Variants in INSL6 observed in about 807,000 individuals in gnomAD.
The protein encoded by INSL6 is insulin-like peptide INSL6.
A neutral mutation model predicts 9.4 loss-of-function variants in INSL6; 16 were observed. The ratio of observed to expected loss-of-function variants is 1.70; its 90% CI spans 1.15 to 2.59. The LOEUF (loss-of-function observed/expected upper bound fraction) is 2.59. Ranked by LOEUF, INSL6 falls within the 30% of genes most tolerant of loss-of-function variation. The probability of loss-of-function intolerance (pLI) is 0.00; values close to 1 mark genes in which losing one functional copy is unlikely to be tolerated. For synonymous variants in INSL6, 154 were observed against 96.9 expected, an observed-to-expected ratio of 1.59 and a Z score of -3.46; for missense variants, 391 against 257.3, an observed-to-expected ratio of 1.52 and a Z score of -3.56.
intron 3 of INSL6, chr9:5,126,756 C>T (rs2130866142): frequency 6.2e-7 from 1 of 1,609,924 alleles, no homozygotes; most frequent in Non-Finnish European, 8.5e-7. Context: ...TCTAGCTCTT[C>T]GAGTGGATCA....
the INSL6 span, among the ~76,000 whole-genome samples, chr9:4,999,880 A>G: frequency 6.6e-6 from 1 of 151,926 alleles, no homozygotes; most frequent in Non-Finnish European, 1.5e-5. Flanking sequence ...GCATGCTACT[A>G]CTCCTGTCCT....
the INSL6 span, among the ~76,000 whole-genome samples, chr9:5,031,585 T>C: frequency 3.2e-4 from 48 of 152,188 alleles, 1 homozygote; most frequent in Admixed American, 3.3e-4. Context: ...AAAGATCAGA[T>C]TGATATGTAA....
chr9:5,003,579 CTT>C, the INSL6 span, among the ~76,000 whole-genome samples: 1 of 152,010 alleles, frequency 6.6e-6, no homozygotes, highest in African/African-American at 2.4e-5. Context: ...CATCTTGTGA[CTT>C]TGCTAAATTC....
At chr9:5,160,099 C>T (rs961931673), downstream of INSL6, among the ~76,000 whole-genome samples, 2 of 151,256 alleles carry the variant, frequency 1.3e-5, no homozygotes, top group Admixed American at 6.6e-5. Context: ...TCACTTGAAC[C>T]CGGGGGATGG....
chr9:5,095,059 C>G, the INSL6 span: 2 of 151,730 alleles, frequency 1.3e-5, no homozygotes, highest in Non-Finnish European at 2.9e-5. Context: ...ATAGAGTAAA[C>G]AAGAGAGGTT....
intron 1 of INSL6, among the ~76,000 whole-genome samples, chr9:5,185,045 T>C (rs1825536946): frequency 6.6e-6 from 1 of 152,162 alleles, no homozygotes; most frequent in Admixed American, 6.5e-5. Context: ...AAAAAGGAGT[T>C]TGCCAGATGA....
the INSL6 span, among the ~76,000 whole-genome samples, chr9:5,060,644 C>T: frequency 6.6e-6 from 1 of 152,134 alleles, no homozygotes; most frequent in African/African-American, 2.4e-5. Context: ...TCTACCACAT[C>T]CTAGTGACTT....
At chr9:5,180,398 C>CA (rs1179465471) in intron 1 of INSL6, among the ~76,000 whole-genome samples, 1 of 151,958 alleles carries the variant, frequency 6.6e-6, no homozygotes, top group Non-Finnish European at 1.5e-5. Context: ...CGGGGTTGGG[C>CA]AAAAAGAGCC....
At chr9:5,175,954 C>A (rs1337479195) in intron 1 of INSL6, among the ~76,000 whole-genome samples, 2 of 152,162 alleles carry the variant, frequency 1.3e-5, no homozygotes, top group African/African-American at 4.8e-5. Flanking sequence ...GCGCTTGGAT[C>A]ATCTGAAAAT....
the INSL6 span, among the ~76,000 whole-genome samples, chr9:5,038,274 A>G: frequency 2.6e-4 from 40 of 152,228 alleles, no homozygotes. Flanking sequence ...GAATAGGTCT[A>G]TGACAAATAA....
the INSL6 span, among the ~76,000 whole-genome samples, chr9:5,104,605 A>C: frequency 6.6e-6 from 1 of 152,142 alleles, no homozygotes; most frequent in Non-Finnish European, 1.5e-5. Flanking sequence ...GAGACACCAC[A>C]AAAAAATAAT....
the INSL6 span, chr9:5,089,856 C>T: frequency 6.6e-7 from 1 of 1,515,920 alleles, no homozygotes; most frequent in African/African-American, 1.4e-5. Context: ...GAGTGTGCTA[C>T]AGTGCTGGTA....
the INSL6 span, among the ~76,000 whole-genome samples, chr9:5,087,377 T>C: frequency 1.1e-4 from 16 of 152,296 alleles, no homozygotes; most frequent in African/African-American, 3.6e-4. Context: ...CCCGCATGAT[T>C]CAGTTGCCTC....
At chr9:5,040,560 CAT>C in the INSL6 span, among the ~76,000 whole-genome samples, 2 of 152,236 alleles carry the variant, frequency 1.3e-5, no homozygotes, top group South Asian at 4.1e-4. Flanking sequence ...GTTTGGGAAT[CAT>C]ATATCTGATA....
the INSL6 span, among the ~76,000 whole-genome samples, chr9:5,051,848 C>T: frequency 6.6e-6 from 1 of 151,932 alleles, no homozygotes; most frequent in South Asian, 2.1e-4. Flanking sequence ...GTATTTCTCT[C>T]TTTGGTTTTA....
chr9:5,073,700 T>G, the INSL6 span: 2 of 1,609,068 alleles, frequency 1.2e-6, no homozygotes, highest in Non-Finnish European at 1.7e-6. Context: ...TTCCTTAGTC[T>G]TTCTTTGAAG....
intron 1 of INSL6, among the ~76,000 whole-genome samples, chr9:5,167,166 C>T (rs1000476082): frequency 4.6e-5 from 7 of 152,206 alleles, no homozygotes; most frequent in African/African-American, 1.7e-4. Context: ...GCAAAGGGAG[C>T]TCCCTTCCCC....
chr9:5,066,654 A>T, the INSL6 span: 1 of 1,299,232 alleles, frequency 7.7e-7, no homozygotes, highest in Non-Finnish European at 1.1e-6. Context: ...TATATTATTC[A>T]AATTGCTTCT....
chr9:5,060,243 G>A, the INSL6 span, among the ~76,000 whole-genome samples: 8 of 152,152 alleles, frequency 5.3e-5, no homozygotes, highest in Admixed American at 2.0e-4. Flanking sequence ...GCTGCTGACC[G>A]ATCAGTGTGG....
Sources: gnomAD v4.1 joint callset for allele counts (sites outside exome capture counted in the v4.1 genomes callset) on GRCh38, gnomAD v4.1.1 for gene constraint, MANE v1.5 for transcripts, NCBI Gene and HGNC (gene_info 2026-07-23, HGNC 2026-07-21) for gene names.